The following CUX1 variants were observed in gnomAD, a reference collection of about 807,000 sequenced individuals.
CUX1 encodes the protein cut like homeobox 1, also known as protein CASP.
A neutral mutation model predicts 158.8 loss-of-function variants in CUX1; 31 were observed. The ratio of observed to expected loss-of-function variants is 0.20; its 90% confidence interval spans 0.15 to 0.26. CUX1 has a LOEUF of 0.26. Ranked by LOEUF, CUX1 falls within the 10% of genes least tolerant of loss-of-function variation. The pLI, the probability that CUX1 is intolerant of heterozygous loss-of-function variation, is 1.00. For missense variants in CUX1, 1,589 were observed against 2,014.6 expected (o/e 0.79, Z 4.04); for synonymous variants, 879 against 862.1 (o/e 1.02, Z -0.34).
At chr7:101,962,475 A>G (rs1036600744) in intron 2 of CUX1, among the ~76,000 whole-genome samples, 13 of 152,240 alleles carry the variant, frequency 8.5e-5, no homozygotes, top group Non-Finnish European at 1.5e-4. Flanking sequence ...TTAGCGGTCC[A>G]TAGAGGCCGG....
chr7:101,985,927 G>T (rs1814246741), intron 2 of CUX1, among the ~76,000 whole-genome samples: 1 of 152,202 alleles, frequency 6.6e-6, no homozygotes, highest in African/African-American at 2.4e-5. Context: ...TTTCCAGAAG[G>T]TTTTAAAGGA....
intron 8 of CUX1, among the ~76,000 whole-genome samples, chr7:102,135,828 G>A (rs576076071): frequency 2.0e-5 from 3 of 151,958 alleles, no homozygotes; most frequent in Non-Finnish European, 2.9e-5. Flanking sequence ...TACAAAAATT[G>A]TCCTGGTGTG....
rs112770956 is a variant in CUX1, at chr7:102,249,707, A to T, written c.*665A>T. On this transcript the variant is annotated 3_prime_UTR_variant, in exon 24 of 24. Transcript: ENST00000292535. ...GGGGGTGGGATTTTTCAGAAAAATTAAAAAAGAAAGTTTTTGTAGCTGTTC... is the reference window on the plus strand; with the variant it reads ...GGGGGTGGGATTTTTCAGAAAAATTTAAAAAGAAAGTTTTTGTAGCTGTTC... 1.0e-6 allele frequency: 1 copy of T among 985,660 alleles called. No homozygotes were observed. The highest frequency in any genetic ancestry group is 1.2e-6 in the Non-Finnish European group (1 of 829,830). The allele number at this position is 985,660 out of a possible 1,614,324, so 61.1% of individuals were successfully genotyped here. A position where few individuals can be genotyped will look rare whatever the true frequency, so the allele number is the denominator to read the frequency against.
intron 11 of CUX1, among the ~76,000 whole-genome samples, chr7:102,178,915 A>T (rs1467763741): frequency 6.6e-6 from 1 of 152,180 alleles, no homozygotes; most frequent in Non-Finnish European, 1.5e-5. Flanking sequence ...CCCAGGCTAG[A>T]GCACGGTGGT....
intron 8 of CUX1, among the ~76,000 whole-genome samples, chr7:102,137,806 C>T (rs1351889300): frequency 2.6e-5 from 4 of 152,044 alleles, no homozygotes; most frequent in Non-Finnish European, 5.9e-5. Context: ...TGCCATTTAG[C>T]ATTTCTTATT....
intron 2 of CUX1, among the ~76,000 whole-genome samples, chr7:101,936,040 G>A (rs1806888960): frequency 6.6e-6 from 1 of 152,180 alleles, no homozygotes; most frequent in South Asian, 2.1e-4. Flanking sequence ...TGTGTGCCAG[G>A]CAGTTGCAGG....
intron 3 of CUX1, among the ~76,000 whole-genome samples, chr7:102,048,623 G>A (rs1417365271): frequency 2.0e-5 from 3 of 152,192 alleles, no homozygotes; most frequent in African/African-American, 4.8e-5. Context: ...GAGGTCAGGA[G>A]TTTGAGACCA....
At chr7:101,838,088 T>A (rs546888762) in intron 1 of CUX1, among the ~76,000 whole-genome samples, 1 of 151,880 alleles carries the variant, frequency 6.6e-6, no homozygotes. Context: ...AGTGTGGCAC[T>A]GTGCCCTAAA....
chr7:101,854,696 T>TCA (rs929736730), intron 1 of CUX1, among the ~76,000 whole-genome samples: 24 of 152,346 alleles, frequency 1.6e-4, no homozygotes, highest in Admixed American at 1.2e-3. Context: ...CTGTTTTTAG[T>TCA]CACACACACC....
intron 3 of CUX1, among the ~76,000 whole-genome samples, chr7:102,043,095 C>A (rs756457305): frequency 3.3e-5 from 5 of 152,012 alleles, no homozygotes; most frequent in Non-Finnish European, 5.9e-5. Context: ...GGACTGTGGA[C>A]GTGTGCCACC....
Position 102,253,369 on chromosome 7 carries a change from A to C in CUX1, c.*4327A>C, listed in dbSNP as rs1235998416. On this transcript the variant is annotated 3_prime_UTR_variant, in exon 24 of 24. Coordinates refer to ENST00000292535, the MANE Select transcript of CUX1 (RefSeq NM_181552.4). ...AAGAGATCGCTGTGGGCCTCGGCTG[A>C]CTACTTTAAGATTATGCCACAGCCA... is the stretch of plus-strand genomic sequence containing the variant. 1.0e-6 allele frequency: 1 copy of C among 985,332 alleles called. No individual in the cohort carries two copies. The highest frequency in any genetic ancestry group is 1.2e-6 in the Non-Finnish European group (1 of 829,964). 61.0% of individuals were successfully genotyped at this position (985,332 alleles called of 1,614,324 possible).
intron 3 of CUX1, among the ~76,000 whole-genome samples, chr7:102,053,784 C>G (rs1480064378): frequency 2.8e-5 from 4 of 144,094 alleles, no homozygotes; most frequent in Middle Eastern, 3.6e-3. Context: ...AACTTCCATT[C>G]TGTGGGTTGT....
At chr7:101,833,737 C>T (rs548833939) in intron 1 of CUX1, among the ~76,000 whole-genome samples, 4 of 152,082 alleles carry the variant, frequency 2.6e-5, no homozygotes, top group South Asian at 2.1e-4. Flanking sequence ...CTGTACACTG[C>T]GGCATCAGAC....
chr7:102,023,725 G>T (rs1819667141), intron 2 of CUX1, among the ~76,000 whole-genome samples: 1 of 152,216 alleles, frequency 6.6e-6, no homozygotes, highest in South Asian at 2.1e-4. Context: ...AACTGCCAAA[G>T]ATGAAATTAG....
At chr7:101,834,204 C>G (rs189232768) in intron 1 of CUX1, among the ~76,000 whole-genome samples, 1,702 of 125,646 alleles carry the variant, frequency 0.014, 39 homozygotes, top group African/African-American at 0.049. Context: ...GATGGAGTCT[C>G]CCTCTGTTGC....
downstream of CUX1, among the ~76,000 whole-genome samples, chr7:102,262,419 G>GATGGATGGATGGATGC (rs1260915710): frequency 6.6e-6 from 1 of 151,952 alleles, no homozygotes; most frequent in African/African-American, 2.4e-5. Context: ...TGGATGGATG[G>GATGGATGGATGGATGC]ATGGATGGAT....
At chr7:102,214,185 G>C (rs1796819832) in intron 20 of CUX1, among the ~76,000 whole-genome samples, 1 of 151,992 alleles carries the variant, frequency 6.6e-6, no homozygotes, top group South Asian at 2.1e-4. Flanking sequence ...CTTACGGATG[G>C]AGTAAACCAA....
intron 2 of CUX1, among the ~76,000 whole-genome samples, chr7:101,934,962 C>T (rs1237462333): frequency 6.6e-6 from 1 of 151,950 alleles, no homozygotes; most frequent in African/African-American, 2.4e-5. Context: ...GAAGGGTCCA[C>T]GTATAGGAGT....
chr7:101,956,138 C>CAAAAAAAAAA (rs11462111), intron 2 of CUX1, among the ~76,000 whole-genome samples: 1 of 64,980 alleles, frequency 1.5e-5, no homozygotes, highest in African/African-American at 6.9e-5. Context: ...GCCCACGTCT[C>CAAAAAAAAAA]AAAAAAAAAA....
Sources: gnomAD v4.1 joint callset for allele counts (sites outside exome capture counted in the v4.1 genomes callset) on GRCh38, gnomAD v4.1.1 for gene constraint, MANE v1.5 for transcripts, NCBI Gene and HGNC (gene_info 2026-07-23, HGNC 2026-07-21) for gene names.